The following NUP43 variants were observed in gnomAD, a reference collection of about 807,000 sequenced individuals.
NUP43 encodes nucleoporin Nup43.
In NUP43, 32 loss-of-function variants were observed where a neutral mutation model predicts 47.3. That is an observed-to-expected ratio of 0.68 (90% CI 0.51 to 0.91). NUP43 has a LOEUF of 0.91. Ranked by LOEUF, NUP43 falls within the 40% of genes least tolerant of loss-of-function variation. The pLI is 0.00. For missense variants in NUP43, 444 were observed against 453.9 expected, an observed-to-expected ratio of 0.98 and a Z score of 0.20; for synonymous variants, 147 against 158.4, an observed-to-expected ratio of 0.93 and a Z score of 0.54.
At chr6:149,727,757 A>G in intron 7 of NUP43, 1 of 984,020 alleles carries the variant, frequency 1.0e-6, no homozygotes, top group Non-Finnish European at 1.2e-6. Flanking sequence ...AGCAGATTAG[A>G]ACACTACTAG....
intron 6 of NUP43, among the ~76,000 whole-genome samples, chr6:149,733,130 G>T (rs545710284): frequency 1.3e-5 from 2 of 151,954 alleles, no homozygotes; most frequent in East Asian, 3.9e-4. Context: ...AATATATGAA[G>T]ATTATATTAT....
chr6:149,737,164 G>A (rs1384830525), intron 5 of NUP43, among the ~76,000 whole-genome samples: 12 of 151,944 alleles, frequency 7.9e-5, no homozygotes, highest in Non-Finnish European at 4.4e-5. Flanking sequence ...CATGCCTGTA[G>A]TTCCAGCTAC....
intron 6 of NUP43, among the ~76,000 whole-genome samples, chr6:149,732,364 GGT>G (rs1785100087): frequency 6.6e-6 from 1 of 151,368 alleles, no homozygotes; most frequent in Admixed American, 6.6e-5. Context: ...TGGCCAACGT[GGT>G]GAAACTCCGT....
chr6:149,746,652 A>T (rs752093813), upstream of NUP43: 1 of 1,571,296 alleles, frequency 6.4e-7, no homozygotes, highest in Non-Finnish European at 8.6e-7. Flanking sequence ...GGGCACAGTC[A>T]GTACCTAGAC....
chr6:149,742,429 G>A lies in NUP43; in HGVS notation c.463C>T (p.Leu155Phe). The A allele has an allele frequency of 6.2e-7, 1 of 1,614,182 alleles. No individual in the cohort carries two copies. Among genetic ancestry groups the A allele is most frequent in the Non-Finnish European group, 8.5e-7 (1 of 1,180,016 alleles). Residue 155 changes from leucine to phenylalanine, a missense_variant, in exon 4 of 8, where the codon CTC becomes TTC. Coordinates refer to ENST00000340413, the MANE Select transcript of NUP43 (RefSeq NM_198887.3). ...VTVGEDGRIN[L>F]FRADHKEAVR... Reference sequence around the variant, plus strand: ...GCTTCCTTGTGATCAGCTCTGAAGAGATTTATTCGACCATCCTCTCCAACT... The same window carrying A: ...GCTTCCTTGTGATCAGCTCTGAAGAAATTTATTCGACCATCCTCTCCAACT...
intron 7 of NUP43, chr6:149,728,389 C>T: frequency 4.1e-6 from 4 of 984,136 alleles, no homozygotes; most frequent in Non-Finnish European, 4.8e-6. Flanking sequence ...TTAGTTAATC[C>T]TTAGATGAAA....
intron 3 of NUP43, 90 bp from the exon 4 acceptor site, chr6:149,742,660 C>T (rs1449871071): frequency 9.0e-6 from 8 of 884,748 alleles, no homozygotes; most frequent in Non-Finnish European, 1.4e-5. Context: ...TTCTGACTCA[C>T]ACCCTTCTAC....
intron 4 of NUP43, among the ~76,000 whole-genome samples, chr6:149,740,031 T>C (rs1785564880): frequency 6.6e-6 from 1 of 152,188 alleles, no homozygotes; most frequent in Non-Finnish European, 1.5e-5. Context: ...ATGTCTGTAA[T>C]CTCAGCACTT....
rs569428437 is a variant in NUP43, at chr6:149,725,903, T to G, written c.*1066A>C. The G allele has an allele frequency of 6.6e-6, 1 of 152,316 alleles. No homozygotes were observed. Among genetic ancestry groups the G allele is most frequent in the African/African-American group, 2.4e-5 (1 of 41,572 alleles). 9.4% of individuals were successfully genotyped at this position (152,316 alleles called of 1,614,324 possible). A position where few individuals can be genotyped will look rare whatever the true frequency, so the allele number is the denominator to read the frequency against. ...AAAATTCTTTACTCTGATCATATCA[T>G]TTGATTAATCACACTTTTATCTATC... On this transcript the variant is annotated 3_prime_UTR_variant, in exon 8 of 8. Transcript: ENST00000340413.
At chr6:149,746,327 A>C in intron 1 of NUP43, 49 bp downstream of exon 1, 1 of 1,603,346 alleles carries the variant, frequency 6.2e-7, no homozygotes, top group Middle Eastern at 1.9e-4. Context: ...GGGTCAGCTC[A>C]ACCGGAGAGA....
chr6:149,749,103 A>G (rs1786178522), upstream of NUP43, among the ~76,000 whole-genome samples: 1 of 151,716 alleles, frequency 6.6e-6, no homozygotes, highest in Admixed American at 6.6e-5. Context: ...AAGGGAGCAA[A>G]GCTTTGCCCC....
intron 4 of NUP43, among the ~76,000 whole-genome samples, chr6:149,741,149 C>T (rs1195425166): frequency 6.6e-6 from 1 of 151,864 alleles, no homozygotes; most frequent in South Asian, 2.1e-4. Context: ...TCCTGCCTTG[C>T]GTTGTGTGTG....
intron 3 of NUP43, among the ~76,000 whole-genome samples, chr6:149,743,215 A>T (rs1357799505): frequency 1.3e-5 from 2 of 151,568 alleles, no homozygotes; most frequent in African/African-American, 4.8e-5. Context: ...TAAAATAAAT[A>T]AAATATTAAT....
upstream of NUP43, chr6:149,746,569 G>C (rs1786024803): frequency 4.3e-6 from 7 of 1,612,658 alleles, no homozygotes; most frequent in Non-Finnish European, 5.9e-6. Context: ...TCTTCCCGCG[G>C]AACCCTGATT....
chr6:149,746,305 G>C lies in NUP43; in HGVS notation c.120+71C>G, dbSNP rs1194381509. 6 of 1,577,402 alleles carry C rather than the reference G, an allele frequency of 3.8e-6. No individual in the cohort carries two copies. The South Asian group carries it at 6.9e-5, about 18-fold the overall frequency. On this transcript the variant is annotated intron_variant, in intron 1 of 7. Coordinates refer to ENST00000340413, the MANE Select transcript of NUP43 (RefSeq NM_198887.3). Reference sequence around the variant, plus strand: ...AGAACCAGAAGGTGGGAGTTGGCGCGCGGAAGGCCAGGGGTCAGCTCAACC... The same window carrying C: ...AGAACCAGAAGGTGGGAGTTGGCGCCCGGAAGGCCAGGGGTCAGCTCAACC...
chr6:149,727,098 G>T lies in NUP43; in HGVS notation c.1014C>A (p.Asp338Glu). Residue 338 changes from aspartate to glutamate, a missense_variant, in exon 8 of 8, where the codon GAC becomes GAA. Coordinates refer to ENST00000340413, the MANE Select transcript of NUP43 (RefSeq NM_198887.3). ...SSWLSTDPAK[D>E]RIEITSLLPS... Reference sequence around the variant, plus strand: ...GAAGTAAGCTTGTGATTTCAATTCGGTCTTTTGCAGGATCAGTGCTGAGCC... The same window carrying T: ...GAAGTAAGCTTGTGATTTCAATTCGTTCTTTTGCAGGATCAGTGCTGAGCC... The T allele has an allele frequency of 6.2e-7, 1 of 1,614,140 alleles. No individual in the cohort carries two copies. Among genetic ancestry groups the T allele is most frequent in the Non-Finnish European group, 8.5e-7 (1 of 1,180,016 alleles).
At chr6:149,733,916 C>T (rs1785187896) in intron 6 of NUP43, among the ~76,000 whole-genome samples, 1 of 152,006 alleles carries the variant, frequency 6.6e-6, no homozygotes, top group African/African-American at 2.4e-5. Context: ...CCTCTGCCTC[C>T]CAGGTTCAAG....
At position 149,727,500 on chromosome 6, in the gene NUP43, C is replaced by T. The variant is rs1029519937; in HGVS notation, c.914-302G>A. ...GGAAAGTCTCAGAAAGGTAGCAAAA[C>T]GGCCAGCATACAAGTTGAATAAGGA... On this transcript the variant is annotated intron_variant, in intron 7 of 7. Transcript: ENST00000340413. 9.1e-6 allele frequency: 9 copies of T among 984,442 alleles called. No homozygotes were observed. In the South Asian group the frequency reaches 1.4e-4, roughly 15 times the overall value. 61.0% of individuals were successfully genotyped at this position (984,442 alleles called of 1,614,324 possible).
chr6:149,725,376 G>A lies in NUP43; in HGVS notation c.*1593C>T, dbSNP rs946097758. 2.0e-5 allele frequency: 3 copies of A among 152,008 alleles called. No individual in the cohort carries two copies. Among genetic ancestry groups the A allele is most frequent in the African/African-American group, 7.3e-5 (3 of 41,370 alleles). The allele number at this position is 152,008 out of a possible 1,614,324, so 9.4% of individuals were successfully genotyped here. On this transcript the variant is annotated 3_prime_UTR_variant, in exon 8 of 8. Transcript: ENST00000340413. ...TGGGAGGCTGAGGCAGGTGGATCAT[G>A]AGGTCAGTTCAAGACCAGCCTGGCC...
Sources: gnomAD v4.1 joint callset for allele counts (sites outside exome capture counted in the v4.1 genomes callset) on GRCh38, gnomAD v4.1.1 for gene constraint, MANE v1.5 for transcripts, NCBI Gene and HGNC (gene_info 2026-07-23, HGNC 2026-07-21) for gene names.